MAD1L1: variants seen among roughly 807,000 people sequenced by gnomAD.
MAD1L1 encodes the protein mitotic arrest deficient 1 like 1, also known as mitotic spindle assembly checkpoint protein MAD1.
Under a neutral mutation model 96.9 loss-of-function variants are expected in MAD1L1, and 95 were observed. That is an observed-to-expected ratio of 0.98 (90% CI 0.83 to 1.16). The LOEUF (loss-of-function observed/expected upper bound fraction) is 1.16, where lower values mean the gene tolerates loss of function less well. Among genes scored for constraint, MAD1L1 ranks in the 50% most tolerant of loss-of-function variants. The pLI, the probability that MAD1L1 is intolerant of heterozygous loss-of-function variation, is 0.00. For missense variants in MAD1L1, 1,007 were observed against 954.4 expected (o/e 1.06, Z -0.73); for synonymous variants, 473 against 396.6 (o/e 1.19, Z -2.29).
At chr7:1,817,758 G>A (rs938022738) in intron 18 of MAD1L1, among the ~76,000 whole-genome samples, 5 of 152,074 alleles carry the variant, frequency 3.3e-5, no homozygotes. Context: ...CGCTCCCTCC[G>A]CCCGGCAGCC....
At chr7:2,096,891 A>AC (rs1026459948) in intron 11 of MAD1L1, among the ~76,000 whole-genome samples, 1 of 151,982 alleles carries the variant, frequency 6.6e-6, no homozygotes, top group African/African-American at 2.4e-5. Flanking sequence ...ATAGCCGGTG[A>AC]CCCCCGGCCA....
intron 17 of MAD1L1, among the ~76,000 whole-genome samples, chr7:1,928,984 C>A (rs1789267204): frequency 6.6e-6 from 1 of 152,332 alleles, no homozygotes. Flanking sequence ...CGCGCCGATA[C>A]AGACAGAAGC....
chr7:2,049,234 G>A lies in MAD1L1; in HGVS notation c.1218+19960C>T, dbSNP rs1325309411. ...CAGGCACAAGTGAGAGAGTGACAGA[G>A]CTCAGGTTCTAACAGGTTTTCTGAT... is the stretch of plus-strand genomic sequence containing the variant. On this transcript the variant is annotated intron_variant, in intron 12 of 18. Transcript: ENST00000265854. 2.0e-5 allele frequency among the ~76,000 whole-genome samples: 3 copies of A among 152,194 alleles called. No homozygotes were observed. In the South Asian group the frequency reaches 6.2e-4, roughly 31 times the overall value.
intron 18 of MAD1L1, among the ~76,000 whole-genome samples, chr7:1,858,007 C>A (rs1461891099): frequency 6.6e-6 from 1 of 152,252 alleles, no homozygotes; most frequent in Non-Finnish European, 1.5e-5. Flanking sequence ...AGAGCCCGAA[C>A]TTTCCTCCCT....
At chr7:1,957,380 G>A (rs1001244684) in intron 16 of MAD1L1, among the ~76,000 whole-genome samples, 6 of 152,214 alleles carry the variant, frequency 3.9e-5, no homozygotes, top group African/African-American at 1.4e-4. Flanking sequence ...AATCTGCCCA[G>A]AGCCCACTCC....
intron 17 of MAD1L1, among the ~76,000 whole-genome samples, chr7:1,910,240 G>A (rs192980388): frequency 3.3e-5 from 5 of 152,256 alleles, no homozygotes; most frequent in East Asian, 3.9e-4. Flanking sequence ...GAGGCCCAGC[G>A]GAACCTTGGC....
intron 10 of MAD1L1, among the ~76,000 whole-genome samples, chr7:2,170,684 G>C (rs2128594623): frequency 6.6e-6 from 1 of 152,340 alleles, no homozygotes; most frequent in Non-Finnish European, 1.5e-5. Flanking sequence ...GCCAGGGACG[G>C]TAAGGTGGCC....
At chr7:2,202,927 G>A (rs1278014227) in intron 10 of MAD1L1, among the ~76,000 whole-genome samples, 1 of 152,156 alleles carries the variant, frequency 6.6e-6, no homozygotes, top group Non-Finnish European at 1.5e-5. Context: ...TTGGGAAAAT[G>A]TCCAGGTCAG....
chr7:2,053,025 G>A (rs1784250327), intron 12 of MAD1L1, among the ~76,000 whole-genome samples: 1 of 152,184 alleles, frequency 6.6e-6, no homozygotes, highest in African/African-American at 2.4e-5. Flanking sequence ...TCCAGTGCCT[G>A]CATCTGAAGG....
intron 18 of MAD1L1, among the ~76,000 whole-genome samples, chr7:1,887,309 G>A (rs1033946303): frequency 6.6e-6 from 1 of 152,082 alleles, no homozygotes. Context: ...GTGGGCATGT[G>A]TGTGCATGCA....
chr7:1,871,188 G>A (rs574772756), intron 18 of MAD1L1, among the ~76,000 whole-genome samples: 7 of 131,554 alleles, frequency 5.3e-5, no homozygotes, highest in South Asian at 2.6e-4. Flanking sequence ...CCCAACATAC[G>A]CCTGCCATGC....
intron 14 of MAD1L1, among the ~76,000 whole-genome samples, chr7:1,990,605 C>A (rs1781365339): frequency 6.6e-6 from 1 of 152,262 alleles, no homozygotes; most frequent in South Asian, 2.1e-4. Flanking sequence ...GAATGTTCGC[C>A]TGATGCACCG....
At position 1,857,379 on chromosome 7, in the gene MAD1L1, T is replaced by C. The variant is rs116403514; in HGVS notation, c.1998+40821A>G. ...GGGCTGCCTGCCGGTGTCCTGGTCA[T>C]GCCCCGGGAGGCAGCCAGCCACAGC... On this transcript the variant is annotated intron_variant, in intron 18 of 18. Coordinates refer to ENST00000265854, the MANE Select transcript of MAD1L1 (RefSeq NM_001013836.2). Among the ~76,000 whole-genome samples, 420 of 152,216 alleles carry C rather than the reference T, an allele frequency of 2.8e-3. 3 individuals are homozygous for C. Among genetic ancestry groups the C allele is most frequent in the South Asian group, 8.5e-3 (41 of 4,816 alleles).
intron 18 of MAD1L1, among the ~76,000 whole-genome samples, chr7:1,879,399 G>T (rs565581532): frequency 4.0e-5 from 6 of 150,100 alleles, no homozygotes; most frequent in Non-Finnish European, 7.4e-5. Flanking sequence ...AGGTTGCAGT[G>T]AGCCGAGATC....
At chr7:2,134,658 T>A (rs940380525) in intron 11 of MAD1L1, among the ~76,000 whole-genome samples, 1 of 152,238 alleles carries the variant, frequency 6.6e-6, no homozygotes, top group African/African-American at 2.4e-5. Flanking sequence ...TCTGCCCATT[T>A]AAACAGGACC....
At chr7:1,834,831 T>C (rs1396896676) in intron 18 of MAD1L1, among the ~76,000 whole-genome samples, 1 of 151,946 alleles carries the variant, frequency 6.6e-6, no homozygotes, top group African/African-American at 2.4e-5. Context: ...TACTATGATA[T>C]ACAAATCAGA....
intron 18 of MAD1L1, among the ~76,000 whole-genome samples, chr7:1,834,399 A>G (rs1044557408): frequency 6.6e-6 from 1 of 152,252 alleles, no homozygotes; most frequent in African/African-American, 2.4e-5. Context: ...CTGACCTGGA[A>G]TAAAAGAGAA....
chr7:1,913,630 G>A (rs1056487686), intron 17 of MAD1L1, among the ~76,000 whole-genome samples: 1 of 152,130 alleles, frequency 6.6e-6, no homozygotes, highest in African/African-American at 2.4e-5. Context: ...GGGAGCCCTC[G>A]GCTGACACCA....
chr7:1,885,083 G>A (rs1430736361), intron 18 of MAD1L1, among the ~76,000 whole-genome samples: 1 of 152,232 alleles, frequency 6.6e-6, no homozygotes, highest in African/African-American at 2.4e-5. Flanking sequence ...CATCACCACT[G>A]GACCCAAGGC....
Sources: allele counts gnomAD v4.1 joint callset (sites outside exome capture counted in the v4.1 genomes callset), GRCh38; gene constraint gnomAD v4.1.1; transcripts MANE v1.5; gene names NCBI Gene and HGNC (gene_info 2026-07-23, HGNC 2026-07-21).